EGLN2: variants seen among roughly 807,000 people sequenced by gnomAD.
The protein encoded by EGLN2 is egl-9 family hypoxia inducible factor 2.
A neutral mutation model predicts 38.2 loss-of-function variants in EGLN2; 15 were observed. The ratio of observed to expected loss-of-function variants is 0.39; its 90% CI spans 0.26 to 0.60. The LOEUF (loss-of-function observed/expected upper bound fraction) is 0.60. Ranked by LOEUF, EGLN2 falls within the 20% of genes least tolerant of loss-of-function variation. EGLN2 has a pLI of 0.50. For missense variants in EGLN2, 492 were observed against 570.4 expected (o/e 0.86, Z 1.40); for synonymous variants, 284 against 237.4 (o/e 1.20, Z -1.81).
intron 2 of EGLN2, among the ~76,000 whole-genome samples, chr19:40,803,607 G>A (rs914914117): frequency 6.6e-6 from 1 of 152,118 alleles, no homozygotes; most frequent in Non-Finnish European, 1.5e-5. Context: ...CAGTAGAAAC[G>A]TGCTTCTTAG....
chr19:40,806,861 C>T (rs1599763293), intron 3 of EGLN2, 187 bp downstream of exon 3: 2 of 975,292 alleles, frequency 2.1e-6, no homozygotes, highest in Middle Eastern at 2.1e-4. Context: ...CTCTAGCGGA[C>T]TGTGTGGTGG....
At chr19:40,802,570 ACAAATGCT>A in intron 2 of EGLN2, among the ~76,000 whole-genome samples, 1 of 152,356 alleles carries the variant, frequency 6.6e-6, no homozygotes, top group Non-Finnish European at 1.5e-5. Flanking sequence ...CTCTCTTAAG[ACAAATGCT>A]CATTTGCTTG....
intron 3 of EGLN2, 61 bp downstream of exon 3, chr19:40,806,735 G>A: frequency 1.3e-6 from 2 of 1,589,412 alleles, no homozygotes; most frequent in Non-Finnish European, 1.7e-6. Context: ...GGGGTGGCGT[G>A]CGTCCACTCC....
In EGLN2 at chr19:40,800,416, A is replaced by G. The variant is rs2083245859; in HGVS notation, c.-157A>G. The stretch of plus-strand genomic sequence containing the variant: ...ACCAGCAAGCAACCCCCAGGGCACG[A>G]GAAGAGCTCTTGCTGTCTGCCCTGC... On this transcript the variant is annotated 5_prime_UTR_variant, in exon 2 of 6. Transcript: ENST00000303961. The G allele has an allele frequency of 8.5e-7, 1 of 1,175,976 alleles. No individual in the cohort carries two copies. Among genetic ancestry groups the G allele is most frequent in the Non-Finnish European group, 1.2e-6 (1 of 866,022 alleles). 72.8% of individuals were successfully genotyped at this position (1,175,976 alleles called of 1,614,324 possible). A position where few individuals can be genotyped will look rare whatever the true frequency, so the allele number is the denominator to read the frequency against.
chr19:40,806,736 C>A, intron 3 of EGLN2, 62 bp downstream of exon 3: 1 of 1,584,488 alleles, frequency 6.3e-7, no homozygotes, highest in South Asian at 1.1e-5. Context: ...GGGTGGCGTG[C>A]GTCCACTCCA....
rs2083246643 is a variant in EGLN2 at position 40,800,497 on chromosome 19, A to G, written c.-76A>G. The G allele has an allele frequency of 1.4e-6, 2 of 1,470,068 alleles. No individual in the cohort carries two copies. The highest frequency in any genetic ancestry group is 2.8e-5 in the African/African-American group (2 of 71,110). 91.1% of individuals were successfully genotyped at this position (1,470,068 alleles called of 1,614,324 possible). A position where few individuals can be genotyped will look rare whatever the true frequency, so the allele number is the denominator to read the frequency against. On this transcript the variant is annotated 5_prime_UTR_variant, in exon 2 of 6. Transcript: ENST00000303961. ...CCCCAGCTGCATCAAGTGGAGGCGGAGGAGGAGGCGGAGGAGGGTGGCACC... is the reference window on the plus strand; with the variant it reads ...CCCCAGCTGCATCAAGTGGAGGCGGGGGAGGAGGCGGAGGAGGGTGGCACC...
intron 2 of EGLN2, among the ~76,000 whole-genome samples, chr19:40,801,651 C>CTTTTTTTTTTTTT (rs58809253): frequency 1.9e-4 from 20 of 102,702 alleles, no homozygotes; most frequent in East Asian, 6.5e-4. Flanking sequence ...CACAGTGGTT[C>CTTTTTTTTTTTTT]TTTTTTTTTT....
chr19:40,807,020 A>AGG, intron 3 of EGLN2, 118 bp from the exon 4 acceptor site: 2 of 1,478,364 alleles, frequency 1.4e-6, no homozygotes, highest in Non-Finnish European at 1.8e-6. Context: ...TGAGAGCCCG[A>AGG]GGGGTGGGAG....
chr19:40,801,344 G>T lies in EGLN2; in HGVS notation c.772G>T (p.Ala258Ser). 1 of 1,612,150 alleles carries T rather than the reference G, an allele frequency of 6.2e-7. No homozygotes were observed. Residue 258 changes from alanine to serine, a missense_variant, in exon 2 of 6, where the codon GCC becomes TCC. By Grantham distance (99) the Ala-to-Ser change is moderately conservative (BLOSUM62 1). Coordinates refer to ENST00000303961, the MANE Select transcript of EGLN2 (RefSeq NM_080732.4). ...CTGTCGAAGCATTGGTGCCCTCATG[G>T]CCCATGTGGACGCCGTCATCCGCCA... Reference protein sequence around the residue: ...PGCRSIGALMAHVDAVIRHCA... With the variant: ...PGCRSIGALMSHVDAVIRHCA...
At position 40,800,903 on chromosome 19, in the gene EGLN2, G is replaced by A; in HGVS notation, c.331G>A (p.Gly111Ser). ...GGGGTGCCAGCGATTGGCAGCCCAG[G>A]GCGCACGGCCTGAGGCCCCCAAACG... ...TKGCQRLAAQ[G>S]ARPEAPKRKW... Residue 111 changes from glycine (G) to serine (S), a missense_variant, in exon 2 of 6, where the codon GGC becomes AGC. Transcript: ENST00000303961. 1 of 1,610,118 alleles carries A rather than the reference G, an allele frequency of 6.2e-7. No homozygotes were observed.
intron 1 of EGLN2, chr19:40,799,497 G>A (rs548363852): frequency 6.6e-6 from 1 of 151,272 alleles, no homozygotes; most frequent in Non-Finnish European, 1.5e-5. Context: ...CCGAGTGGAG[G>A]GGGAGGGGAG....
chr19:40,801,273 G>T lies in EGLN2; in HGVS notation c.701G>T (p.Ser234Ile), dbSNP rs1435358779. ...AGCCAGAGGGCGATCCCGCCGCGCA[G>T]CATCCGTGGGGACCAGATTGCCTGG... is the stretch of plus-strand genomic sequence containing the variant. ...LVSQRAIPPRSIRGDQIAWVE... is the reference protein window; with the variant it reads ...LVSQRAIPPRIIRGDQIAWVE... The change falls in exon 2 of 6, where the codon AGC (serine) becomes ATC (isoleucine). Residue 234 changes from serine (S) to isoleucine (I), a missense_variant. Around this residue, in one of 2 missense-constraint regions of EGLN2, gnomAD observed 378 missense variants for 386.2 expected, o/e 0.98. Transcript: ENST00000303961. 6.2e-7 allele frequency: 1 copy of T among 1,613,032 alleles called. No individual in the cohort carries two copies. The highest frequency in any genetic ancestry group is 1.7e-5 in the Admixed American group (1 of 60,030).
In EGLN2 at chr19:40,799,231, A is replaced by G. The variant is rs976799535; in HGVS notation, c.-266A>G. 1 of 147,970 alleles carries G rather than the reference A, an allele frequency of 6.8e-6. No homozygotes were observed. Among genetic ancestry groups the G allele is most frequent in the Non-Finnish European group, 1.5e-5 (1 of 66,626 alleles). The allele number at this position is 147,970 out of a possible 1,614,324, so 9.2% of individuals were successfully genotyped here. On this transcript the variant is annotated 5_prime_UTR_variant, in exon 1 of 6. Transcript: ENST00000303961. ...GTGCGGCGCAGGGCGGCTGGCACAA[A>G]CGGCGGCGCCGGGGCCGGAGGAAAA...
rs774310720 is a variant in EGLN2, at chr19:40,801,335, G to T, written c.763G>T (p.Ala255Ser). 3 of 1,612,398 alleles carry T rather than the reference G, an allele frequency of 1.9e-6. No individual in the cohort carries two copies. Among genetic ancestry groups the T allele is most frequent in the East Asian group, 4.5e-5 (2 of 44,886 alleles). The change falls in exon 2 of 6, where the codon GCC (alanine) becomes TCC (serine). Residue 255 changes from alanine (A) to serine (S), a missense_variant. By Grantham distance (99) the Ala-to-Ser change is moderately conservative. Around this residue, in one of 2 missense-constraint regions of EGLN2, gnomAD observed 378 missense variants for 386.2 expected, o/e 0.98. Transcript: ENST00000303961. ...GHEPGCRSIG[A>S]LMAHVDAVIR... Reference sequence around the variant, plus strand: ...TGAACCAGGCTGTCGAAGCATTGGTGCCCTCATGGCCCATGTGGACGCCGT... The same window carrying T: ...TGAACCAGGCTGTCGAAGCATTGGTTCCCTCATGGCCCATGTGGACGCCGT...
At position 40,808,182 on chromosome 19, in the gene EGLN2, C is replaced by G; in HGVS notation, c.*318C>G. 1 of 476,062 alleles carries G rather than the reference C, an allele frequency of 2.1e-6. No homozygotes were observed. The highest frequency in any genetic ancestry group is 3.7e-6 in the Non-Finnish European group (1 of 269,056). 29.5% of individuals were successfully genotyped at this position (476,062 alleles called of 1,614,324 possible). A position where few individuals can be genotyped will look rare whatever the true frequency, so the allele number is the denominator to read the frequency against. On this transcript the variant is annotated 3_prime_UTR_variant, in exon 6 of 6. Transcript: ENST00000303961. ...GGAGAGCTGGGAGGAGGCATTGTCA[C>G]TTCCCACCAGGATGCAGGACTTGGG...
chr19:40,806,026 A>AG (rs2083298220), intron 2 of EGLN2: 1 of 153,900 alleles, frequency 6.5e-6, no homozygotes, highest in Admixed American at 6.4e-5. Flanking sequence ...TTTGTAGTCC[A>AG]GGGCAGCAGT....
Position 40,807,285 on chromosome 19 carries a change from T to G in EGLN2, c.1100+11T>G, listed in dbSNP as rs373248554. 38 of 1,613,990 alleles carry G rather than the reference T, an allele frequency of 2.4e-5. No homozygotes were observed. The African/African-American group carries it at 3.7e-4, about 16-fold the overall frequency. On this transcript the variant is annotated intron_variant, in intron 4 of 5. Transcript: ENST00000303961. ...AGCCTATGCCACCAGGTATGACCTG[T>G]ACTTCTGGAGACGCACCCAGGTGCT...
chr19:40,801,259 G>A lies in EGLN2; in HGVS notation c.687G>A (p.Ala229=), dbSNP rs374109706. 19 of 1,612,942 alleles carry A rather than the reference G, an allele frequency of 1.2e-5. No individual in the cohort carries two copies. The highest frequency in any genetic ancestry group is 1.6e-4 in the Middle Eastern group (1 of 6,062). Residue 229 remains alanine, a synonymous_variant, in exon 2 of 6, where the codon GCG becomes GCA. Coordinates refer to ENST00000303961, the MANE Select transcript of EGLN2 (RefSeq NM_080732.4). Reference sequence around the variant, plus strand: ...ACGGGCAGCTAGTGAGCCAGAGGGCGATCCCGCCGCGCAGCATCCGTGGGG... The same window carrying A: ...ACGGGCAGCTAGTGAGCCAGAGGGCAATCCCGCCGCGCAGCATCCGTGGGG... ...LRDGQLVSQR[A]IPPRSIRGDQ...
chr19:40,807,432 A>G, intron 4 of EGLN2, 52 bp from the exon 5 acceptor site: 1 of 1,610,724 alleles, frequency 6.2e-7, no homozygotes, highest in Non-Finnish European at 8.5e-7. Context: ...GTGTGTGTGG[A>G]TATGGTAGCT....
Sources: gnomAD v4.1 joint callset for allele counts (sites outside exome capture counted in the v4.1 genomes callset) on GRCh38, gnomAD v4.1.1 for gene constraint, gnomAD v4.1.1 regional missense constraint, MANE v1.5 for transcripts, NCBI Gene and HGNC (gene_info 2026-07-23, HGNC 2026-07-21) for gene names.